The following PRKN variants were observed in gnomAD, a reference collection of about 807,000 sequenced individuals.
PRKN encodes E3 ubiquitin-protein ligase parkin.
A neutral mutation model predicts 59.5 loss-of-function variants in PRKN; 56 were observed. That is an observed-to-expected ratio of 0.94 (90% CI 0.76 to 1.18). The LOEUF (loss-of-function observed/expected upper bound fraction) is 1.18. Ranked by LOEUF, PRKN falls within the 50% of genes most tolerant of loss-of-function variation. PRKN has a pLI of 0.00. For missense variants in PRKN, 657 were observed against 596.4 expected (o/e 1.10, Z -1.06); for synonymous variants, 250 against 222.1 (o/e 1.13, Z -1.12).
chr6:162,335,812 G>T (rs1409794230), intron 2 of PRKN, among the ~76,000 whole-genome samples: 1 of 151,930 alleles, frequency 6.6e-6, no homozygotes, highest in Non-Finnish European at 1.5e-5. Context: ...TACACAACTG[G>T]TAAGTCCATG....
chr6:162,492,395 T>C (rs1583664486), intron 1 of PRKN, among the ~76,000 whole-genome samples: 2 of 152,178 alleles, frequency 1.3e-5, no homozygotes, highest in South Asian at 2.1e-4. Flanking sequence ...ACAGCTCAGA[T>C]TGTGCTGAGA....
intron 6 of PRKN, among the ~76,000 whole-genome samples, chr6:161,883,908 C>A (rs572496319): frequency 1.3e-5 from 2 of 152,148 alleles, no homozygotes; most frequent in Non-Finnish European, 2.9e-5. Context: ...CCATCTTGGC[C>A]TCCCAAGGTG....
chr6:162,528,134 A>G (rs1778365954), intron 1 of PRKN, among the ~76,000 whole-genome samples: 1 of 151,952 alleles, frequency 6.6e-6, no homozygotes, highest in Non-Finnish European at 1.5e-5. Context: ...CAGCCTGGCT[A>G]ACACGGTGAA....
chr6:162,478,773 A>G (rs535812626), intron 1 of PRKN, among the ~76,000 whole-genome samples: 1 of 152,328 alleles, frequency 6.6e-6, no homozygotes, highest in East Asian at 1.9e-4. Context: ...CAACATGTTT[A>G]CTGAATGCCT....
chr6:161,637,211 G>A (rs1021587376), intron 7 of PRKN, among the ~76,000 whole-genome samples: 2 of 152,138 alleles, frequency 1.3e-5, no homozygotes, highest in Admixed American at 1.3e-4. Flanking sequence ...GCTTCTGAGG[G>A]TCCCTTCACC....
chr6:161,670,672 C>T (rs902551131), intron 7 of PRKN, among the ~76,000 whole-genome samples: 4 of 152,230 alleles, frequency 2.6e-5, no homozygotes, highest in South Asian at 4.2e-4. Context: ...AAAAATTAGC[C>T]GGGCGTGGTG....
chr6:162,408,116 C>A (rs1033407174), intron 2 of PRKN, among the ~76,000 whole-genome samples: 14 of 152,116 alleles, frequency 9.2e-5, no homozygotes, highest in Middle Eastern at 3.4e-3. Context: ...TTCTTTTGAA[C>A]CAGTTTTGTC....
At chr6:161,871,961 A>G (rs2128226800) in intron 6 of PRKN, among the ~76,000 whole-genome samples, 1 of 152,178 alleles carries the variant, frequency 6.6e-6, no homozygotes, top group East Asian at 1.9e-4. Flanking sequence ...CTCTCATTTA[A>G]TTTTCACAGA....
chr6:161,483,412 G>A lies in PRKN; in HGVS notation c.1083+65442C>T, dbSNP rs1055392175. The stretch of plus-strand genomic sequence containing the variant: ...AGCGTGGTTGAAAGGCTTGTCATGC[G>A]TAAGTGCTAATTAGCCCCAGGATGC... On this transcript the variant is annotated intron_variant, in intron 9 of 11. Transcript: ENST00000366898. This position sits in a 1 kb window ranked among gnomAD's most constrained non-coding sequence, Gnocchi z 5.0. Among the ~76,000 whole-genome samples, 3 of 152,134 alleles carry A rather than the reference G, an allele frequency of 2.0e-5. No homozygotes were observed. The highest frequency in any genetic ancestry group is 6.5e-5 in the Admixed American group (1 of 15,274).
intron 4 of PRKN, among the ~76,000 whole-genome samples, chr6:162,058,538 T>G (rs1777960943): frequency 6.6e-6 from 1 of 152,218 alleles, no homozygotes; most frequent in Admixed American, 6.5e-5. Flanking sequence ...GAAATCCATT[T>G]CGCTGTGGTT....
chr6:162,687,546 C>T (rs1777616428), intron 1 of PRKN, among the ~76,000 whole-genome samples: 2 of 152,050 alleles, frequency 1.3e-5, no homozygotes. Context: ...CAATTTACTG[C>T]TCATAAATGG....
intron 3 of PRKN, among the ~76,000 whole-genome samples, chr6:162,225,116 C>T (rs151275241): frequency 8.3e-4 from 126 of 152,274 alleles, no homozygotes; most frequent in African/African-American, 3.0e-3. Flanking sequence ...TGGTAGACAG[C>T]AACACGTGGT....
At chr6:161,991,658 A>C (rs1217480906) in intron 5 of PRKN, among the ~76,000 whole-genome samples, 2 of 152,054 alleles carry the variant, frequency 1.3e-5, no homozygotes, top group Non-Finnish European at 2.9e-5. Flanking sequence ...CCTGCCCAAC[A>C]CAGTGAAAGT....
chr6:161,820,767 T>C (rs1455377632), intron 6 of PRKN, among the ~76,000 whole-genome samples: 1 of 150,200 alleles, frequency 6.7e-6, no homozygotes, highest in Admixed American at 6.6e-5. Flanking sequence ...CATAAATATA[T>C]AAACAATTGT....
At chr6:161,672,764 A>G (rs1368416574) in intron 7 of PRKN, among the ~76,000 whole-genome samples, 1 of 152,134 alleles carries the variant, frequency 6.6e-6, no homozygotes, top group East Asian at 1.9e-4. Flanking sequence ...TGACAGAGCA[A>G]GACTCCATTA....
chr6:162,325,724 A>G (rs1247103467), intron 2 of PRKN, among the ~76,000 whole-genome samples: 1 of 152,178 alleles, frequency 6.6e-6, no homozygotes, highest in Non-Finnish European at 1.5e-5. Context: ...TATTTAGGGG[A>G]AATTATTAGC....
At chr6:162,378,591 G>C (rs1404295787) in intron 2 of PRKN, among the ~76,000 whole-genome samples, 1 of 152,184 alleles carries the variant, frequency 6.6e-6, no homozygotes, top group Non-Finnish European at 1.5e-5. Context: ...TGTATTTTCA[G>C]GATAATAAGA....
chr6:162,492,146 C>T (rs1482258140), intron 1 of PRKN, among the ~76,000 whole-genome samples: 2 of 152,352 alleles, frequency 1.3e-5, no homozygotes, highest in Middle Eastern at 3.4e-3. Context: ...CCACTAGTCT[C>T]TTACCATGCT....
chr6:162,684,463 A>C (rs1042267315), intron 1 of PRKN, among the ~76,000 whole-genome samples: 2 of 152,178 alleles, frequency 1.3e-5, no homozygotes, highest in East Asian at 1.9e-4. Flanking sequence ...ACAGCAATTA[A>C]TATCAGTGGA....
Sources: allele counts gnomAD v4.1 joint callset (sites outside exome capture counted in the v4.1 genomes callset), GRCh38; gene constraint gnomAD v4.1.1; non-coding constraint Gnocchi (gnomAD v3.1); transcripts MANE v1.5; gene names NCBI Gene and HGNC (gene_info 2026-07-23, HGNC 2026-07-21).